SNTB1: variants seen among roughly 807,000 people sequenced by gnomAD.
The protein encoded by SNTB1 is syntrophin beta 1.
In SNTB1, 36 loss-of-function variants were observed where a neutral mutation model predicts 48.9. That is an observed-to-expected ratio of 0.74 (90% confidence interval 0.56 to 0.97). The LOEUF (loss-of-function observed/expected upper bound fraction) is 0.97, where lower values mean the gene tolerates loss of function less well. SNTB1 is among the 50% of genes least tolerant of loss of function. The pLI is 0.00. For synonymous variants in SNTB1, 299 were observed against 294.6 expected (o/e 1.01, Z -0.15); for missense variants, 786 against 703.4 (o/e 1.12, Z -1.33).
chr8:120,710,977 T>C (rs1818453439), intron 1 of SNTB1, among the ~76,000 whole-genome samples: 1 of 152,080 alleles, frequency 6.6e-6, no homozygotes, highest in African/African-American at 2.4e-5. Flanking sequence ...CACCAGAAAA[T>C]ATTTTAGGGC....
At chr8:120,768,444 G>T (rs886688993) in intron 1 of SNTB1, among the ~76,000 whole-genome samples, 1 of 152,116 alleles carries the variant, frequency 6.6e-6, no homozygotes, top group Non-Finnish European at 1.5e-5. Flanking sequence ...TAGCTACATT[G>T]GTACCTCTTC....
chr8:120,809,891 G>A (rs1349522694), intron 1 of SNTB1, among the ~76,000 whole-genome samples: 1 of 152,150 alleles, frequency 6.6e-6, no homozygotes, highest in East Asian at 1.9e-4. Flanking sequence ...TGCATTGTGG[G>A]CCAGGAGGTG....
chr8:120,630,370 A>C (rs1314780363), intron 3 of SNTB1, among the ~76,000 whole-genome samples: 2 of 152,192 alleles, frequency 1.3e-5, no homozygotes, highest in Non-Finnish European at 2.9e-5. Flanking sequence ...GTCTCAGGTA[A>C]CTGCTGCTTC....
At chr8:120,736,671 TC>T (rs761734518) in intron 1 of SNTB1, among the ~76,000 whole-genome samples, 17 of 152,148 alleles carry the variant, frequency 1.1e-4, no homozygotes, top group Non-Finnish European at 2.9e-5. Flanking sequence ...CACCCTGGGC[TC>T]CCCAGGGATT....
At chr8:120,773,571 C>A (rs1469077771) in intron 1 of SNTB1, among the ~76,000 whole-genome samples, 3 of 152,058 alleles carry the variant, frequency 2.0e-5, no homozygotes, top group African/African-American at 4.8e-5. Context: ...ATGAGTAAGG[C>A]ACCATCTGGT....
At chr8:120,663,651 C>CA (rs61159197) in intron 2 of SNTB1, among the ~76,000 whole-genome samples, 21 of 151,870 alleles carry the variant, frequency 1.4e-4, no homozygotes, top group Non-Finnish European at 2.4e-4. Context: ...GAAAGGTGGG[C>CA]AAAAAAGCAA....
intron 1 of SNTB1, among the ~76,000 whole-genome samples, chr8:120,723,514 G>T (rs937559683): frequency 2.6e-5 from 4 of 152,158 alleles, no homozygotes; most frequent in Non-Finnish European, 5.9e-5. Flanking sequence ...AAATGTGTGA[G>T]ATGAGCCTAG....
chr8:120,680,823 C>T (rs1177506749), intron 2 of SNTB1, among the ~76,000 whole-genome samples: 1 of 152,188 alleles, frequency 6.6e-6, no homozygotes, highest in East Asian at 1.9e-4. Flanking sequence ...AATCCTTCAG[C>T]ACCCAGATGG....
At chr8:120,721,991 T>C (rs184330134) in intron 1 of SNTB1, among the ~76,000 whole-genome samples, 93 of 151,998 alleles carry the variant, frequency 6.1e-4, no homozygotes, top group African/African-American at 2.2e-3. Flanking sequence ...ATGCAGTGTT[T>C]GGTTTCCTGT....
Position 120,738,604 on chromosome 8 carries a change from T to G in SNTB1, c.572-44696A>C, listed in dbSNP as rs376368380. On this transcript the variant is annotated intron_variant, in intron 1 of 6. Coordinates refer to ENST00000517992, the MANE Select transcript of SNTB1 (RefSeq NM_021021.4). The stretch of plus-strand genomic sequence containing the variant: ...TCCTTCCTTCTTAGTGTAACAATGT[T>G]CCTCCCTATAACTCACAATCATCCA... Among the ~76,000 whole-genome samples, 14 of 138,160 alleles carry G rather than the reference T, an allele frequency of 1.0e-4. No individual in the cohort carries two copies. In the East Asian group the frequency reaches 2.7e-3, roughly 27 times the overall value. 90.6% of individuals were successfully genotyped at this position (138,160 alleles called of 152,430 possible).
At chr8:120,542,133 C>T (rs1563812713) in intron 5 of SNTB1, 133 bp from the exon 6 acceptor site, 3 of 609,858 alleles carry the variant, frequency 4.9e-6, no homozygotes, top group Non-Finnish European at 8.2e-6. Flanking sequence ...AAAATATAGT[C>T]ATTGTTCATG....
At chr8:120,761,201 A>G (rs139213728) in intron 1 of SNTB1, 4 of 152,224 alleles carry the variant, frequency 2.6e-5, no homozygotes, top group African/African-American at 9.7e-5. Flanking sequence ...TGATAGCTGA[A>G]AAGAACTGCA....
Position 120,542,009 on chromosome 8 carries a change from G to T in SNTB1, c.1334-9C>A, listed in dbSNP as rs754581148. 1.2e-6 allele frequency: 2 copies of T among 1,609,394 alleles called. No homozygotes were observed. Among genetic ancestry groups the T allele is most frequent in the South Asian group, 2.2e-5 (2 of 90,360 alleles). On this transcript the variant is annotated splice_polypyrimidine_tract_variant and intron_variant, in intron 5 of 6. Coordinates refer to ENST00000517992, the MANE Select transcript of SNTB1 (RefSeq NM_021021.4). ...GTTTTTGTAGGTGCAAGCTGAGAGA[G>T]AAAGAGAGAGAAAAAGAGACAAGTA...
intron 3 of SNTB1, among the ~76,000 whole-genome samples, chr8:120,581,067 C>T (rs1262570072): frequency 1.6e-5 from 2 of 122,710 alleles, no homozygotes; most frequent in Non-Finnish European, 3.2e-5. Flanking sequence ...CCAGCCTGGG[C>T]AACAGAGTGA....
chr8:120,808,308 T>C (rs1032871428), intron 1 of SNTB1, among the ~76,000 whole-genome samples: 1 of 152,240 alleles, frequency 6.6e-6, no homozygotes, highest in African/African-American at 2.4e-5. Context: ...CAGTTACTGT[T>C]AAGTGTAACA....
intron 4 of SNTB1, among the ~76,000 whole-genome samples, chr8:120,554,523 T>C (rs1405852667): frequency 6.6e-6 from 1 of 152,116 alleles, no homozygotes; most frequent in African/African-American, 2.4e-5. Context: ...CCTTATAGTT[T>C]TCACTCGGCA....
chr8:120,595,277 G>A (rs1379815356), intron 3 of SNTB1, among the ~76,000 whole-genome samples: 1 of 152,174 alleles, frequency 6.6e-6, no homozygotes, highest in African/African-American at 2.4e-5. Context: ...GTCTGCACAA[G>A]ATACAGGTCA....
chr8:120,715,814 A>G lies in SNTB1; in HGVS notation c.572-21906T>C, dbSNP rs189415549. Among the ~76,000 whole-genome samples, 3 of 152,248 alleles carry G rather than the reference A, an allele frequency of 2.0e-5. No homozygotes were observed. The East Asian group carries it at 5.8e-4, about 29-fold the overall frequency. On this transcript the variant is annotated intron_variant, in intron 1 of 6. Coordinates refer to ENST00000517992, the MANE Select transcript of SNTB1 (RefSeq NM_021021.4). The stretch of plus-strand genomic sequence containing the variant: ...ATTCGTGATGCCGTCCCACTCACAC[A>G]GCAGTGGAGAGACTGTTTTGAGAAA...
In SNTB1 at chr8:120,692,537, C is replaced by T. The variant is rs141353267; in HGVS notation, c.788+1155G>A. ...CTTCTACTGAACTAAAGTAAGAATTCTGGGGGATGAGGGACCCTGAATTTT... is the reference window on the plus strand; with the variant it reads ...CTTCTACTGAACTAAAGTAAGAATTTTGGGGGATGAGGGACCCTGAATTTT... On this transcript the variant is annotated intron_variant, in intron 2 of 6. Transcript: ENST00000517992. Among the ~76,000 whole-genome samples, 605 of 152,166 alleles carry T rather than the reference C, an allele frequency of 4.0e-3. 8 individuals are homozygous for T. The highest frequency in any genetic ancestry group is 0.014 in the African/African-American group (571 of 41,522).
Sources: allele counts gnomAD v4.1 joint callset (sites outside exome capture counted in the v4.1 genomes callset), GRCh38; gene constraint gnomAD v4.1.1; transcripts MANE v1.5; gene names NCBI Gene and HGNC (gene_info 2026-07-23, HGNC 2026-07-21).